Variants in TXNDC2 observed in about 807,000 individuals in gnomAD.
The protein encoded by TXNDC2 is thioredoxin domain-containing protein 2.
TXNDC2 carries 1 observed loss-of-function variant against 0.4 expected under a neutral mutation model. The ratio of observed to expected loss-of-function variants is 2.30; its 90% CI spans 0.82 to 10.89. The LOEUF (loss-of-function observed/expected upper bound fraction) is 10.89, where lower values mean the gene tolerates loss of function less well. TXNDC2 is among the 30% of genes most tolerant of loss of function. The pLI is 0.12. For missense variants in TXNDC2, 509 were observed against 579.8 expected (o/e 0.88, Z 1.25); for synonymous variants, 183 against 224.6 (o/e 0.81, Z 1.66).
chr18:9,887,053 G>A lies in TXNDC2; in HGVS notation c.373G>A (p.Glu125Lys). Residue 125 changes from glutamate (E) to lysine (K), a missense_variant, in exon 2 of 2, where the codon GAG becomes AAG. By Grantham distance (56) the Glu-to-Lys change is moderately conservative. This residue lies in a region of TXNDC2 where 187 missense variants were observed against 218.0 expected (regional missense o/e 0.86). Coordinates refer to ENST00000357775, the MANE Select transcript of TXNDC2 (RefSeq NM_032243.6). ...AGAAGAAACCATCCAATCCAAGAAG[G>A]AGGACCTCCCCAAGTCCTCAGAAGA... is the stretch of plus-strand genomic sequence containing the variant. Reference protein sequence around the residue: ...APEETIQSKKEDLPKSSEEAI... With the variant: ...APEETIQSKKKDLPKSSEEAI... The A allele has an allele frequency of 6.2e-7, 1 of 1,604,230 alleles. No homozygotes were observed. The highest frequency in any genetic ancestry group is 8.5e-7 in the Non-Finnish European group (1 of 1,176,330).
Position 9,887,345 on chromosome 18 carries a change from A to G in TXNDC2, c.665A>G (p.Glu222Gly). 6.3e-7 allele frequency: 1 copy of G among 1,586,838 alleles called. No individual in the cohort carries two copies. Among genetic ancestry groups the G allele is most frequent in the Middle Eastern group, 1.7e-4 (1 of 5,934 alleles). The change falls in exon 2 of 2, where the codon GAA (glutamate) becomes GGA (glycine). Residue 222 changes from glutamate (E) to glycine (G), a missense_variant. Around this residue, in one of 5 missense-constraint regions of TXNDC2, gnomAD observed 65 missense variants for 46.0 expected, o/e 1.41. Transcript: ENST00000357775. ...GAGGGTGACATCTCCAAGTCCCCAG[A>G]AGAAGCCATCCAGCCCAAGGAGGGT... ...PKEGDISKSPEEAIQPKEGDL... is the reference protein window; with the variant it reads ...PKEGDISKSPGEAIQPKEGDL...
Position 9,887,899 on chromosome 18 carries a change from G to T in TXNDC2, c.1219G>T (p.Asp407Tyr). Residue 407 changes from aspartate (D) to tyrosine (Y), a missense_variant, in exon 2 of 2, where the codon GAC (aspartate) becomes TAC (tyrosine). Transcript: ENST00000357775. ...GGCCGGGGAGAGGCTGGTGGCTGTG[G>T]ACTTCTCGGCCACGTGGTGTGGGCC... ...KEAGERLVAV[D>Y]FSATWCGPCR... is the part of the protein sequence containing the mutation. 6.2e-7 allele frequency: 1 copy of T among 1,613,126 alleles called. No individual in the cohort carries two copies.
Position 9,888,194 on chromosome 18 carries a change from C to T in TXNDC2, c.*53C>T. 1 of 1,403,870 alleles carries T rather than the reference C, an allele frequency of 7.1e-7. No homozygotes were observed. The highest frequency in any genetic ancestry group is 9.6e-7 in the Non-Finnish European group (1 of 1,038,074). 87.0% of individuals were successfully genotyped at this position (1,403,870 alleles called of 1,614,324 possible). A position where few individuals can be genotyped will look rare whatever the true frequency, so the allele number is the denominator to read the frequency against. ...GTCAGGTGTTTATAGCTTTTGAGTT[C>T]TCTTTTATTATTTACACAAAGTGAT... is the stretch of plus-strand genomic sequence containing the variant. On this transcript the variant is annotated 3_prime_UTR_variant, in exon 2 of 2. Coordinates refer to ENST00000357775, the MANE Select transcript of TXNDC2 (RefSeq NM_032243.6).
chr18:9,887,400 C>A lies in TXNDC2; in HGVS notation c.720C>A (p.Ile240=). 9.7e-7 allele frequency: 1 copy of A among 1,025,748 alleles called. No homozygotes were observed. The highest frequency in any genetic ancestry group is 1.3e-6 in the Non-Finnish European group (1 of 741,192). 63.5% of individuals were successfully genotyped at this position (1,025,748 alleles called of 1,614,324 possible). Residue 240 remains isoleucine (I), a synonymous_variant, in exon 2 of 2, where the codon ATC becomes ATA. Coordinates refer to ENST00000357775, the MANE Select transcript of TXNDC2 (RefSeq NM_032243.6). ...TCCCCAAGTCCCTAGAGGAAGCCAT[C>A]CAGCCCAAGGAGGGTGACATCCCCA... The part of the protein sequence containing the change: ...GDLPKSLEEA[I]QPKEGDIPKS...
rs764811044 is a variant in TXNDC2 at position 9,886,747 on chromosome 18, C to T, written c.67C>T (p.Pro23Ser). The T allele has an allele frequency of 6.2e-7, 1 of 1,614,094 alleles. No individual in the cohort carries two copies. Among genetic ancestry groups the T allele is most frequent in the Non-Finnish European group, 8.5e-7 (1 of 1,180,016 alleles). ...TGCCTCACAGGAGGGCGATGACCTA[C>T]CCAAGTCCTCAGCAAACACCAGCCA... ...SDASQEGDDL[P>S]KSSANTSHPK... The change falls in exon 2 of 2, where the codon CCC (proline) becomes TCC (serine). Residue 23 changes from proline (P) to serine (S), a missense_variant. Pro to Ser is a moderately conservative substitution (Grantham distance 74). Transcript: ENST00000357775.
Position 9,886,706 on chromosome 18 carries a change from GCA to G in TXNDC2, c.29_30del (p.Thr10ArgfsTer4). The G allele has an allele frequency of 6.2e-7, 1 of 1,614,022 alleles. No individual in the cohort carries two copies. ...ATGGTCAGCCACACGTTCCACATGC[GCA>G]CAGAGGAGTCTGATGCCTCACAGGA... is the stretch of plus-strand genomic sequence containing the variant. On this transcript the variant is annotated frameshift_variant, in exon 2 of 2. Transcript: ENST00000357775. LOFTEE classifies it low-confidence loss of function (END_TRUNC).
chr18:9,886,574 T>C lies in TXNDC2; in HGVS notation c.-92-15T>C, dbSNP rs758815340. The C allele has an allele frequency of 2.3e-5, 9 of 395,868 alleles. No individual in the cohort carries two copies. Among genetic ancestry groups the C allele is most frequent in the Non-Finnish European group, 3.1e-5 (9 of 291,362 alleles). The allele number at this position is 395,868 out of a possible 1,614,324, so 24.5% of individuals were successfully genotyped here. A position where few individuals can be genotyped will look rare whatever the true frequency, so the allele number is the denominator to read the frequency against. On this transcript the variant is annotated splice_polypyrimidine_tract_variant and intron_variant, in intron 1 of 1. Transcript: ENST00000357775. ...ATTTATTTTATTTTATTTTATTTTA[T>C]GTTTTTTGGTACAGAAAGCTCATTA...
At position 9,887,935 on chromosome 18, in the gene TXNDC2, A is replaced by G; in HGVS notation, c.1255A>G (p.Ile419Val). 6.2e-7 allele frequency: 1 copy of G among 1,614,234 alleles called. No individual in the cohort carries two copies. The highest frequency in any genetic ancestry group is 8.5e-7 in the Non-Finnish European group (1 of 1,180,032). The change falls in exon 2 of 2, where the codon ATC (isoleucine) becomes GTC (valine). Residue 419 changes from isoleucine (I) to valine (V), a missense_variant. By Grantham distance (29) the Ile-to-Val change is conservative (BLOSUM62 3). This residue lies in a region of TXNDC2 where 229 missense variants were observed against 243.8 expected (regional missense o/e 0.94). Transcript: ENST00000357775. ...CACGTGGTGTGGGCCCTGCAGGACC[A>G]TCAGACCATTCTTCCATGCCCTGTC... ...SATWCGPCRT[I>V]RPFFHALSVK...
In TXNDC2 at chr18:9,887,160, C is replaced by T. The variant is rs577627971; in HGVS notation, c.480C>T (p.Thr160=). 3 of 1,584,064 alleles carry T rather than the reference C, an allele frequency of 1.9e-6. No homozygotes were observed. The highest frequency in any genetic ancestry group is 1.7e-5 in the Admixed American group (1 of 58,786). ...CCAAGCTGGGCAATATTGCCAAGAC[C>T]TCAGTGAAGCCCAGCCAGCCCAAGG... ...IQPKLGNIAK[T]SVKPSQPKES... is the part of the protein sequence containing the mutation. The change falls in exon 2 of 2, where the codon ACC becomes ACT. Residue 160 remains threonine (T), a synonymous_variant. Coordinates refer to ENST00000357775, the MANE Select transcript of TXNDC2 (RefSeq NM_032243.6).
Position 9,888,008 on chromosome 18 carries a change from G to A in TXNDC2, c.1328G>A (p.Cys443Tyr). ...TTCCTGGAGGTGGACGCTGACAACT[G>A]TGAGGAGGTGGTGAGAGAGTGCGCC... ...VVFLEVDADN[C>Y]EEVVRECAIM... is the part of the protein sequence containing the mutation. The change falls in exon 2 of 2, where the codon TGT (cysteine) becomes TAT (tyrosine). Residue 443 changes from cysteine to tyrosine, a missense_variant. Coordinates refer to ENST00000357775, the MANE Select transcript of TXNDC2 (RefSeq NM_032243.6). 1 of 1,614,208 alleles carries A rather than the reference G, an allele frequency of 6.2e-7. No individual in the cohort carries two copies. Among genetic ancestry groups the A allele is most frequent in the Non-Finnish European group, 8.5e-7 (1 of 1,180,034 alleles).
rs1407767113 is a variant in TXNDC2 at position 9,887,024 on chromosome 18, C to G, written c.344C>G (p.Ala115Gly). The change falls in exon 2 of 2, where the codon GCC becomes GGC. Residue 115 changes from alanine (A) to glycine (G), a missense_variant. Coordinates refer to ENST00000357775, the MANE Select transcript of TXNDC2 (RefSeq NM_032243.6). Reference sequence around the variant, plus strand: ...CCCAAGGAGGGTGACATCCCCAAGGCCCCAGAAGAAACCATCCAATCCAAG... The same window carrying G: ...CCCAAGGAGGGTGACATCCCCAAGGGCCCAGAAGAAACCATCCAATCCAAG... ...SQPKEGDIPK[A>G]PEETIQSKKE... 3.1e-6 allele frequency: 5 copies of G among 1,603,624 alleles called. No homozygotes were observed. The Admixed American group carries it at 6.8e-5, about 22-fold the overall frequency.
At position 9,886,630 on chromosome 18, in the gene TXNDC2, GC is replaced by G; in HGVS notation, c.-48del. 3.1e-6 allele frequency: 5 copies of G among 1,613,810 alleles called. No homozygotes were observed. Among genetic ancestry groups the G allele is most frequent in the Non-Finnish European group, 4.2e-6 (5 of 1,179,954 alleles). On this transcript the variant is annotated 5_prime_UTR_variant, in exon 2 of 2. Transcript: ENST00000357775. ...CCTGTCCAGCAACGTGCCTCTCCTG[GC>G]CCTAGAGTTCTTGGAAATAGCCCAG...
chr18:9,887,846 A>G lies in TXNDC2; in HGVS notation c.1166A>G (p.Lys389Arg). 2.5e-6 allele frequency: 4 copies of G among 1,610,210 alleles called. No homozygotes were observed. The highest frequency in any genetic ancestry group is 3.4e-6 in the Non-Finnish European group (4 of 1,177,590). ...EGDKVKVILSKEDFEASLKEA... is the reference protein window; with the variant it reads ...EGDKVKVILSREDFEASLKEA... ...GACAAGGTGAAAGTGATCCTGAGCA[A>G]GGAGGACTTTGAGGCATCACTGAAG... is the stretch of plus-strand genomic sequence containing the variant. The change falls in exon 2 of 2, where the codon AAG becomes AGG. Residue 389 changes from lysine (K) to arginine (R), a missense_variant. Physicochemically the swap from Lys to Arg is conservative, Grantham distance 26. Coordinates refer to ENST00000357775, the MANE Select transcript of TXNDC2 (RefSeq NM_032243.6).
In TXNDC2 at chr18:9,887,423, C is replaced by A; in HGVS notation, c.743C>A (p.Pro248His). The A allele has an allele frequency of 4.6e-6, 5 of 1,080,912 alleles. No homozygotes were observed. The highest frequency in any genetic ancestry group is 2.8e-4 in the Middle Eastern group (1 of 3,622). The allele number at this position is 1,080,912 out of a possible 1,614,324, so 67.0% of individuals were successfully genotyped here. A position where few individuals can be genotyped will look rare whatever the true frequency, so the allele number is the denominator to read the frequency against. ...ATCCAGCCCAAGGAGGGTGACATCC[C>A]CAAGTCCCCAGAAGAAGCCATCCAG... ...EAIQPKEGDI[P>H]KSPEEAIQPK... The change falls in exon 2 of 2, where the codon CCC becomes CAC. Residue 248 changes from proline to histidine, a missense_variant. By Grantham distance (77) the Pro-to-His change is moderately conservative. Around this residue, in one of 5 missense-constraint regions of TXNDC2, gnomAD observed 65 missense variants for 46.0 expected, o/e 1.41. Transcript: ENST00000357775.
rs764334419 is a variant in TXNDC2, at chr18:9,887,145, C to A, written c.465C>A (p.Gly155=). The A allele has an allele frequency of 8.3e-6, 13 of 1,564,282 alleles. No homozygotes were observed. The highest frequency in any genetic ancestry group is 1.1e-5 in the South Asian group (1 of 88,436). Residue 155 remains glycine, a synonymous_variant, in exon 2 of 2, where the codon GGC becomes GGA. Coordinates refer to ENST00000357775, the MANE Select transcript of TXNDC2 (RefSeq NM_032243.6). ...SSAKPIQPKL[G]NIAKTSVKPS... ...CAAAACCCATCCAGCCCAAGCTGGG[C>A]AATATTGCCAAGACCTCAGTGAAGC...
At position 9,886,818 on chromosome 18, in the gene TXNDC2, G is replaced by A. The variant is rs1243682037; in HGVS notation, c.138G>A (p.Gln46=). ...DSPKSSEETI[Q]PKEGDIPKAP... is the part of the protein sequence containing the mutation. ...CCAAGTCCTCAGAAGAAACCATCCA[G>A]CCCAAGGAGGGTGACATCCCCAAGG... Residue 46 remains glutamine, a synonymous_variant, in exon 2 of 2, where the codon CAG becomes CAA. Transcript: ENST00000357775. 6.2e-7 allele frequency: 1 copy of A among 1,613,808 alleles called. No homozygotes were observed. The highest frequency in any genetic ancestry group is 1.7e-5 in the Admixed American group (1 of 59,974).
Position 9,887,828 on chromosome 18 carries a change from T to C in TXNDC2, c.1148T>C (p.Val383Ala), listed in dbSNP as rs2068970413. 1 of 1,610,648 alleles carries C rather than the reference T, an allele frequency of 6.2e-7. No individual in the cohort carries two copies. Among genetic ancestry groups the C allele is most frequent in the East Asian group, 2.2e-5 (1 of 44,818 alleles). ...ATGGAGTTCCCGGAGGGGGACAAGG[T>C]GAAAGTGATCCTGAGCAAGGAGGAC... is the stretch of plus-strand genomic sequence containing the variant. ...ETMEFPEGDKVKVILSKEDFE... is the reference protein window; with the variant it reads ...ETMEFPEGDKAKVILSKEDFE... Residue 383 changes from valine to alanine, a missense_variant, in exon 2 of 2, where the codon GTG becomes GCG. By Grantham distance (64) the Val-to-Ala change is moderately conservative (BLOSUM62 0). Coordinates refer to ENST00000357775, the MANE Select transcript of TXNDC2 (RefSeq NM_032243.6).
rs200465584 is a variant in TXNDC2, at chr18:9,886,549, A to ATTTAT, written c.-92-19_-92-15dup. 2,269 of 1,417,996 alleles carry ATTTAT rather than the reference A, an allele frequency of 1.6e-3. 6 individuals are homozygous for ATTTAT. The highest frequency in any genetic ancestry group is 1.9e-3 in the African/African-American group (131 of 68,494). 87.8% of individuals were successfully genotyped at this position (1,417,996 alleles called of 1,614,324 possible). A position where few individuals can be genotyped will look rare whatever the true frequency, so the allele number is the denominator to read the frequency against. ...GGTTCTTCTTTTGCATTTCTATTTG[A>ATTTAT]TTTATTTTATTTTATTTTATTTTAT... On this transcript the variant is annotated intron_variant, in intron 1 of 1. Transcript: ENST00000357775.
intron 1 of TXNDC2, chr18:9,886,351 C>A: frequency 1.4e-6 from 2 of 1,392,140 alleles, no homozygotes; most frequent in Non-Finnish European, 2.0e-6. Context: ...GGGTGTTGAA[C>A]CAAGAAGGGA....
Sources: allele counts gnomAD v4.1 joint callset, GRCh38; gene constraint gnomAD v4.1.1; regional missense constraint gnomAD v4.1.1; transcripts MANE v1.5; gene names NCBI Gene and HGNC (gene_info 2026-07-23, HGNC 2026-07-21).